DCAF1: variants seen among roughly 807,000 people sequenced by gnomAD.
The protein encoded by DCAF1 is DDB1- and CUL4-associated factor 1.
DCAF1 carries 15 observed loss-of-function variants against 128.0 expected under a neutral mutation model. That is an observed-to-expected ratio of 0.12 (90% CI 0.08 to 0.18). DCAF1 has a LOEUF of 0.18. DCAF1 is among the 10% of genes least tolerant of loss of function. The probability of loss-of-function intolerance (pLI) is 1.00; values close to 1 mark genes in which losing one functional copy is unlikely to be tolerated. For synonymous variants in DCAF1, 610 were observed against 603.0 expected (o/e 1.01, Z -0.17); for missense variants, 988 against 1,649.5 (o/e 0.60, Z 6.95).
chr3:51,443,110 G>T (rs936763932), intron 7 of DCAF1, among the ~76,000 whole-genome samples: 21 of 152,098 alleles, frequency 1.4e-4, no homozygotes, highest in Non-Finnish European at 1.5e-5. Context: ...AAAAAGGGCA[G>T]ATGGATGGAT....
chr3:51,407,215 C>T (rs1356568756), intron 23 of DCAF1, among the ~76,000 whole-genome samples: 7 of 150,822 alleles, frequency 4.6e-5, no homozygotes, highest in African/African-American at 1.5e-4. Flanking sequence ...TGATCCTGAC[C>T]TTTATGTAAC....
chr3:51,490,705 A>G (rs1553657580), intron 2 of DCAF1, among the ~76,000 whole-genome samples: 1 of 152,056 alleles, frequency 6.6e-6, no homozygotes. Context: ...TGGGTGGATC[A>G]CCTGAGTTCA....
chr3:51,414,748 A>G lies in DCAF1; in HGVS notation c.3713T>C (p.Leu1238Ser), dbSNP rs377701931. Reference sequence around the variant, plus strand: ...GACATCCCAGAGGACGCCATCATTTAAGACAAGATCATCTGTAGGATTAAA... The same window carrying G: ...GACATCCCAGAGGACGCCATCATTTGAGACAAGATCATCTGTAGGATTAAA... Reference protein sequence around the residue: ...ATFNPTDDLVLNDGVLWDVRS... With the variant: ...ATFNPTDDLVSNDGVLWDVRS... The change falls in exon 19 of 25, where the codon TTA (leucine) becomes TCA (serine). Residue 1238 changes from leucine (L) to serine (S), a missense_variant. Leu to Ser is a moderately radical substitution (Grantham distance 145). Coordinates refer to ENST00000684031, the MANE Select transcript of DCAF1 (RefSeq NM_001387579.1). 1 of 1,614,048 alleles carries G rather than the reference A, an allele frequency of 6.2e-7. No individual in the cohort carries two copies. Among genetic ancestry groups the G allele is most frequent in the Non-Finnish European group, 8.5e-7 (1 of 1,179,906 alleles).
chr3:51,407,450 C>A (rs1196717009), intron 23 of DCAF1, among the ~76,000 whole-genome samples: 2 of 152,162 alleles, frequency 1.3e-5, no homozygotes, highest in Non-Finnish European at 2.9e-5. Context: ...CTCTTAACAT[C>A]CGCTTCTAGG....
At chr3:51,408,062 G>C (rs1280009579) in intron 23 of DCAF1, among the ~76,000 whole-genome samples, 3 of 148,726 alleles carry the variant, frequency 2.0e-5, no homozygotes, top group Non-Finnish European at 4.4e-5. Context: ...TAGGTGACTA[G>C]CTTATCTCTG....
Position 51,413,392 on chromosome 3 carries a change from G to C in DCAF1, c.3932-6C>G. 6.2e-7 allele frequency: 1 copy of C among 1,608,854 alleles called. No individual in the cohort carries two copies. Reference sequence around the variant, plus strand: ...ATCATCTGCCTGCAACATAGCTTGAGGGGGAGTGGGGGAGGAAACACTATT... The same window carrying C: ...ATCATCTGCCTGCAACATAGCTTGACGGGGAGTGGGGGAGGAAACACTATT... On this transcript the variant is annotated splice_region_variant and splice_polypyrimidine_tract_variant and intron_variant, in intron 20 of 24. Coordinates refer to ENST00000684031, the MANE Select transcript of DCAF1 (RefSeq NM_001387579.1).
intron 24 of DCAF1, among the ~76,000 whole-genome samples, chr3:51,400,688 GT>G (rs1398341201): frequency 6.6e-6 from 1 of 151,920 alleles, no homozygotes; most frequent in Non-Finnish European, 1.5e-5. Flanking sequence ...AAGTGTTGAA[GT>G]GACCCAATCC....
chr3:51,437,478 T>G (rs1485229763), intron 9 of DCAF1: 3 of 456,746 alleles, frequency 6.6e-6, no homozygotes, highest in African/African-American at 6.0e-5. Context: ...TCTCAACAGG[T>G]AACTACTGAG....
rs1699460683 is a variant in DCAF1 at position 51,422,191 on chromosome 3, T to C, written c.1972+116A>G. 6.2e-6 allele frequency: 4 copies of C among 647,416 alleles called. No individual in the cohort carries two copies. The Admixed American group carries it at 9.3e-5, about 15-fold the overall frequency. The allele number at this position is 647,416 out of a possible 1,614,324, so 40.1% of individuals were successfully genotyped here. On this transcript the variant is annotated intron_variant, in intron 14 of 24. Coordinates refer to ENST00000684031, the MANE Select transcript of DCAF1 (RefSeq NM_001387579.1). ...ATAAAGGACAGACAAGGAGCCCCCC[T>C]CTACTACTTCTGTTCTAAAATCCAA...
At chr3:51,475,400 G>C (rs1296017077) in intron 3 of DCAF1, among the ~76,000 whole-genome samples, 1 of 152,058 alleles carries the variant, frequency 6.6e-6, no homozygotes, top group Non-Finnish European at 1.5e-5. Flanking sequence ...TAAGGAGTTA[G>C]AGACCAGCCT....
rs544559749 is a variant in DCAF1 at position 51,441,832 on chromosome 3, G to A, written c.579C>T (p.Asn193=). 6.2e-7 allele frequency: 1 copy of A among 1,613,268 alleles called. No homozygotes were observed. Among genetic ancestry groups the A allele is most frequent in the Non-Finnish European group, 8.5e-7 (1 of 1,179,870 alleles). ...QLQEVALRQE[N]KRPSPRKLSS... is the part of the protein sequence containing the mutation. ...AGAGCTTCCGTGGACTGGGACGCTT[G>A]TTTTCCTGCCGCAAAGCCACTTCCT... Residue 193 remains asparagine (N), a synonymous_variant, in exon 8 of 25, where the codon AAC becomes AAT. Coordinates refer to ENST00000684031, the MANE Select transcript of DCAF1 (RefSeq NM_001387579.1).
rs1267198407 is a variant in DCAF1, at chr3:51,428,327, T to C, written c.1678-786A>G. Among the ~76,000 whole-genome samples the C allele has an allele frequency of 2.4e-5, 3 of 123,184 alleles. No individual in the cohort carries two copies. The East Asian group carries it at 7.9e-4, about 32-fold the overall frequency. 80.8% of individuals were successfully genotyped at this position (123,184 alleles called of 152,430 possible). On this transcript the variant is annotated intron_variant, in intron 12 of 24. Transcript: ENST00000684031. ...AGTAGCTGACACAGGTGTACCACCA[T>C]GCCCTTTTTTTTTTTTTTTTTTTTG...
chr3:51,406,241 G>T (rs902884232), intron 23 of DCAF1, among the ~76,000 whole-genome samples: 1 of 151,040 alleles, frequency 6.6e-6, no homozygotes, highest in Admixed American at 6.6e-5. Context: ...TACTCTGGAG[G>T]CTGAGGCAGG....
chr3:51,479,834 G>A (rs1439740967), intron 3 of DCAF1, among the ~76,000 whole-genome samples: 5 of 151,984 alleles, frequency 3.3e-5, no homozygotes, highest in African/African-American at 1.2e-4. Context: ...ATAGTACAAT[G>A]TGGTATAATG....
intron 9 of DCAF1, among the ~76,000 whole-genome samples, chr3:51,439,375 G>A (rs1701148227): frequency 1.3e-5 from 2 of 151,274 alleles, no homozygotes; most frequent in Non-Finnish European, 2.9e-5. Flanking sequence ...CTATCCTCCT[G>A]CCTCAGCCTC....
intron 4 of DCAF1, 57 bp downstream of exon 4, chr3:51,470,872 A>T: frequency 7.6e-7 from 1 of 1,311,088 alleles, no homozygotes; most frequent in Non-Finnish European, 1.0e-6. Flanking sequence ...CCCTCGCTTT[A>T]ATAAAAGTGT....
Position 51,441,611 on chromosome 3 carries a change from T to C in DCAF1, c.800A>G (p.Asn267Ser). 6.2e-7 allele frequency: 1 copy of C among 1,614,004 alleles called. No individual in the cohort carries two copies. The change falls in exon 8 of 25, where the codon AAC (asparagine) becomes AGC (serine). Residue 267 changes from asparagine to serine, a missense_variant. Transcript: ENST00000684031. ...TCTGTCACCCTGTTTTGCTGACTTG[T>C]TTTTCTTTAATCCTCCATCCTCAGG... is the stretch of plus-strand genomic sequence containing the variant. ...TKPEDGGLKK[N>S]KSAKQGDREN... is the part of the protein sequence containing the mutation.
intron 6 of DCAF1, among the ~76,000 whole-genome samples, chr3:51,453,316 G>A (rs1702541908): frequency 6.6e-6 from 1 of 151,958 alleles, no homozygotes; most frequent in African/African-American, 2.4e-5. Flanking sequence ...TTTCATTTGG[G>A]TCATACACTT....
chr3:51,441,667 C>T lies in DCAF1; in HGVS notation c.744G>A (p.Lys248=), dbSNP rs1553638770. The T allele has an allele frequency of 1.2e-6, 2 of 1,613,980 alleles. No individual in the cohort carries two copies. The highest frequency in any genetic ancestry group is 3.3e-5 in the Admixed American group (2 of 60,000). The change falls in exon 8 of 25, where the codon AAG becomes AAA. Residue 248 remains lysine, a synonymous_variant. Transcript: ENST00000684031. ...EISFHLDSGH[K]TSSRVNSTTK... ...TTGTTGAGTTCACTCTGCTACTAGT[C>T]TTGTGGCCTGAATCAAGATGAAAGG...
Sources: gnomAD v4.1 joint callset for allele counts (sites outside exome capture counted in the v4.1 genomes callset) on GRCh38, gnomAD v4.1.1 for gene constraint, MANE v1.5 for transcripts, NCBI Gene and HGNC (gene_info 2026-07-23, HGNC 2026-07-21) for gene names.